Variants in LTBP1 observed in about 807,000 individuals in gnomAD.
LTBP1 encodes latent-transforming growth factor beta-binding protein 1.
Under a neutral mutation model 207.6 loss-of-function variants are expected in LTBP1, and 129 were observed. That is an observed-to-expected ratio of 0.62 (90% CI 0.54 to 0.72). The LOEUF (loss-of-function observed/expected upper bound fraction) is 0.72. Ranked by LOEUF, LTBP1 falls within the 30% of genes least tolerant of loss-of-function variation. The probability of loss-of-function intolerance (pLI) is 0.00; values close to 1 mark genes in which losing one functional copy is unlikely to be tolerated. For synonymous variants in LTBP1, 963 were observed against 833.7 expected, an observed-to-expected ratio of 1.16 and a Z score of -2.67; for missense variants, 2,281 against 2,217.2, an observed-to-expected ratio of 1.03 and a Z score of -0.58.
At chr2:32,954,705 A>G (rs460483) in intron 2 of LTBP1, among the ~76,000 whole-genome samples, 137,951 of 151,708 alleles carry the variant, frequency 0.91, 64,004 homozygotes, top group Non-Finnish European at 0.99. Flanking sequence ...GTAAGCCTGC[A>G]GATGCCTTGC....
intron 3 of LTBP1, among the ~76,000 whole-genome samples, chr2:33,078,007 C>T (rs947401200): frequency 2.6e-5 from 4 of 152,156 alleles, no homozygotes; most frequent in East Asian, 3.8e-4. Flanking sequence ...GAGTGGCTTA[C>T]AGCATGTTCA....
chr2:33,148,812 A>G (rs1572859784), intron 5 of LTBP1, among the ~76,000 whole-genome samples: 1 of 152,188 alleles, frequency 6.6e-6, no homozygotes, highest in Non-Finnish European at 1.5e-5. Context: ...CACCTAAGAG[A>G]CACATTTGGC....
At chr2:33,288,640 G>A (rs1406923692) in intron 19 of LTBP1, among the ~76,000 whole-genome samples, 1 of 152,116 alleles carries the variant, frequency 6.6e-6, no homozygotes, top group Non-Finnish European at 1.5e-5. Flanking sequence ...CAGATCACAA[G>A]GTCAGGAGAT....
intron 5 of LTBP1, among the ~76,000 whole-genome samples, chr2:33,168,651 T>TCA (rs2085146864): frequency 6.6e-6 from 1 of 151,694 alleles, no homozygotes; most frequent in African/African-American, 2.4e-5. Context: ...GATTTAAAGG[T>TCA]CACAGTCCAC....
chr2:33,128,437 A>C (rs2081574827), intron 4 of LTBP1, among the ~76,000 whole-genome samples: 1 of 152,240 alleles, frequency 6.6e-6, no homozygotes, highest in African/African-American at 2.4e-5. Context: ...TACAGAGAGC[A>C]GTGAAGTCAG....
intron 5 of LTBP1, among the ~76,000 whole-genome samples, chr2:33,175,230 A>G (rs1213789688): frequency 6.6e-6 from 1 of 151,464 alleles, no homozygotes; most frequent in Non-Finnish European, 1.5e-5. Context: ...AACCTACAAA[A>G]TGGGAGAAAA....
intron 2 of LTBP1, among the ~76,000 whole-genome samples, chr2:33,005,950 C>T (rs1490094295): frequency 6.6e-6 from 1 of 151,668 alleles, no homozygotes. Context: ...CATTTGAGGT[C>T]ATCTTTAGAG....
intron 11 of LTBP1, among the ~76,000 whole-genome samples, 156 bp from the exon 12 acceptor site, chr2:33,257,128 C>G (rs976635856): frequency 2.6e-5 from 4 of 151,696 alleles, no homozygotes; most frequent in African/African-American, 9.7e-5. Context: ...ATCAGAAATT[C>G]GAGCAATTTG....
intron 2 of LTBP1, among the ~76,000 whole-genome samples, chr2:32,994,984 G>T (rs1432320881): frequency 6.6e-6 from 1 of 152,148 alleles, no homozygotes; most frequent in Admixed American, 6.5e-5. Context: ...GAGGTCAGAA[G>T]TTCAAGACCA....
intron 28 of LTBP1, among the ~76,000 whole-genome samples, chr2:33,362,177 T>G (rs1398612822): frequency 3.3e-5 from 5 of 152,218 alleles, no homozygotes; most frequent in Non-Finnish European, 7.3e-5. Flanking sequence ...ATATTACCTT[T>G]TATATACAAA....
chr2:33,354,683 T>TACACACACAC (rs71409608), intron 26 of LTBP1, among the ~76,000 whole-genome samples: 158 of 139,770 alleles, frequency 1.1e-3, no homozygotes, highest in Middle Eastern at 3.5e-3. Flanking sequence ...ACTAAAACTA[T>TACACACACAC]ACACACACAC....
chr2:33,034,855 TAAAAA>T (rs200129992), intron 3 of LTBP1, among the ~76,000 whole-genome samples: 1 of 147,754 alleles, frequency 6.8e-6, no homozygotes, highest in Non-Finnish European at 1.5e-5. Flanking sequence ...AGGGTTTAAA[TAAAAA>T]AAAAAGGATG....
chr2:33,202,479 C>T lies in LTBP1; in HGVS notation c.1701+13628C>T, dbSNP rs532152271. On this transcript the variant is annotated intron_variant, in intron 7 of 33. Coordinates refer to ENST00000404816, the MANE Select transcript of LTBP1 (RefSeq NM_206943.4). ...GCTCTTGAATTTCCGCAGTATCTCT[C>T]CTGTCCTGGCAACGTGAATATTACT... Among the ~76,000 whole-genome samples, 4 of 152,288 alleles carry T rather than the reference C, an allele frequency of 2.6e-5. No individual in the cohort carries two copies. In the South Asian group the frequency reaches 6.2e-4, roughly 24 times the overall value.
chr2:33,127,747 G>A (rs1339847777), intron 4 of LTBP1, among the ~76,000 whole-genome samples: 2 of 152,196 alleles, frequency 1.3e-5, no homozygotes, highest in East Asian at 1.9e-4. Flanking sequence ...GAAACATTTG[G>A]TTGTGCCTAG....
chr2:33,277,614 C>A (rs1558932904), intron 18 of LTBP1, among the ~76,000 whole-genome samples: 1 of 151,894 alleles, frequency 6.6e-6, no homozygotes, highest in African/African-American at 2.4e-5. Context: ...CCATCCCTGA[C>A]TCCTTTTGTG....
chr2:33,166,990 A>G (rs2084976908), intron 5 of LTBP1, among the ~76,000 whole-genome samples: 1 of 152,158 alleles, frequency 6.6e-6, no homozygotes, highest in South Asian at 2.1e-4. Context: ...ACTGATGCCC[A>G]TGGTGTGCCG....
chr2:33,262,937 G>A, intron 14 of LTBP1, 116 bp downstream of exon 14: 1 of 632,340 alleles, frequency 1.6e-6, no homozygotes, highest in Admixed American at 2.9e-5. Flanking sequence ...CTGAAGTTCA[G>A]TGTTAAGTAT....
chr2:33,064,497 C>G (rs1236216385), intron 3 of LTBP1, among the ~76,000 whole-genome samples: 1 of 152,184 alleles, frequency 6.6e-6, no homozygotes, highest in Non-Finnish European at 1.5e-5. Flanking sequence ...ACTCCCTAAG[C>G]TTCATGGGGT....
rs148415071 is a variant in LTBP1, at chr2:33,386,993, G to A, written c.4712-2191G>A. 4.5e-3 allele frequency among the ~76,000 whole-genome samples: 678 copies of A among 152,174 alleles called. 4 individuals are homozygous for A. The highest frequency in any genetic ancestry group is 0.015 in the African/African-American group (642 of 41,510). On this transcript the variant is annotated intron_variant, in intron 31 of 33. Coordinates refer to ENST00000404816, the MANE Select transcript of LTBP1 (RefSeq NM_206943.4). ...CTATAGGTACGTGCCACCATGCCCAGCTAATTTTGTATTTTTAGTAGAGAC... is the reference window on the plus strand; with the variant it reads ...CTATAGGTACGTGCCACCATGCCCAACTAATTTTGTATTTTTAGTAGAGAC...
Sources: allele counts gnomAD v4.1 joint callset (sites outside exome capture counted in the v4.1 genomes callset), GRCh38; gene constraint gnomAD v4.1.1; transcripts MANE v1.5; gene names NCBI Gene and HGNC (gene_info 2026-07-23, HGNC 2026-07-21).